The following CUTA variants were observed in gnomAD, a reference collection of about 807,000 sequenced individuals.
The protein encoded by CUTA is cutA divalent cation tolerance homolog.
CUTA carries 21 observed loss-of-function variants against 20.7 expected under a neutral mutation model. The observed-to-expected ratio is 1.01, with a 90% confidence interval of 0.72 to 1.46. The LOEUF is 1.46. Among genes scored for constraint, CUTA ranks in the 40% most tolerant of loss-of-function variants. The pLI, the probability that CUTA is intolerant of heterozygous loss-of-function variation, is 0.00. For missense variants in CUTA, 231 were observed against 226.8 expected, an observed-to-expected ratio of 1.02 and a Z score of -0.12; for synonymous variants, 99 against 97.9, an observed-to-expected ratio of 1.01 and a Z score of -0.07.
Position 33,416,789 on chromosome 6 carries a change from TG to T in CUTA, c.414-14del. ...AGGGTGCACAGAACTACAAAATAGG[TG>T]GGTGGGGGAAGGGGATCACTCAAAG... On this transcript the variant is annotated splice_polypyrimidine_tract_variant and intron_variant, in intron 5 of 5. Transcript: ENST00000488034. The T allele has an allele frequency of 6.2e-7, 1 of 1,612,986 alleles. No individual in the cohort carries two copies. Among genetic ancestry groups the T allele is most frequent in the South Asian group, 1.1e-5 (1 of 91,054 alleles).
chr6:33,417,764 C>T (rs1453591786), intron 1 of CUTA, 69 bp from the exon 2 acceptor site: 3 of 1,551,626 alleles, frequency 1.9e-6, no homozygotes, highest in Non-Finnish European at 2.6e-6. Context: ...GGGAAGCCTT[C>T]GCTTAGATCC....
rs770339717 is a variant in CUTA, at chr6:33,416,700, C to T, written c.490G>A (p.Val164Met). 1.2e-6 allele frequency: 2 copies of T among 1,613,738 alleles called. No individual in the cohort carries two copies. The highest frequency in any genetic ancestry group is 1.7e-6 in the Non-Finnish European group (2 of 1,179,790). ...EQGNFPYLQWVRQVTESVSDS... is the reference protein window; with the variant it reads ...EQGNFPYLQWMRQVTESVSDS... ...GAAACTGACTCTGTGACCTGGCGCACCCACTGCAGGTACGGAAAGTTCCCC... is the reference window on the plus strand; with the variant it reads ...GAAACTGACTCTGTGACCTGGCGCATCCACTGCAGGTACGGAAAGTTCCCC... The change falls in exon 6 of 6, where the codon GTG becomes ATG. Residue 164 changes from valine to methionine, a missense_variant. By Grantham distance (21) the Val-to-Met change is conservative. Coordinates refer to ENST00000488034, the MANE Select transcript of CUTA (RefSeq NM_001014840.2).
At position 33,417,158 on chromosome 6, in the gene CUTA, G is replaced by A; in HGVS notation, c.318-16C>T. On this transcript the variant is annotated splice_polypyrimidine_tract_variant and intron_variant, in intron 3 of 5. Transcript: ENST00000488034. ...CCACTCATAGCTGAAAGGTCAGAGG[G>A]GGAGAGTTGTGGGGAGCAAAGAATT... 4 of 1,612,246 alleles carry A rather than the reference G, an allele frequency of 2.5e-6. No homozygotes were observed. Among genetic ancestry groups the A allele is most frequent in the Non-Finnish European group, 3.4e-6 (4 of 1,178,628 alleles).
intron 1 of CUTA, 45 bp downstream of exon 1, chr6:33,417,914 G>C (rs1470263282): frequency 6.3e-6 from 10 of 1,592,666 alleles, no homozygotes; most frequent in Non-Finnish European, 7.7e-6. Flanking sequence ...GGTAGCGGTC[G>C]AGGCTTCGAG....
chr6:33,416,963 T>C lies in CUTA; in HGVS notation c.370A>G (p.Lys124Glu), dbSNP rs1776545933. The part of the protein sequence containing the change: ...EEDSEVLMMI[K>E]TQSSLVPALT... Reference sequence around the variant, plus strand: ...GCTGGGACCAAGGAACTTTGGGTTTTAATCATCTAAGGGACAAAGATAAAC... The same window carrying C: ...GCTGGGACCAAGGAACTTTGGGTTTCAATCATCTAAGGGACAAAGATAAAC... Residue 124 changes from lysine (K) to glutamate (E), a missense_variant, in exon 5 of 6, where the codon AAA becomes GAA. Coordinates refer to ENST00000488034, the MANE Select transcript of CUTA (RefSeq NM_001014840.2). 6.2e-7 allele frequency: 1 copy of C among 1,614,144 alleles called. No individual in the cohort carries two copies. Among genetic ancestry groups the C allele is most frequent in the Non-Finnish European group, 8.5e-7 (1 of 1,180,026 alleles).
chr6:33,417,914 G>A (rs1470263282), intron 1 of CUTA, 45 bp downstream of exon 1: 1 of 1,592,784 alleles, frequency 6.3e-7, no homozygotes, highest in East Asian at 2.3e-5. Context: ...GGTAGCGGTC[G>A]AGGCTTCGAG....
At position 33,417,689 on chromosome 6, in the gene CUTA, G is replaced by A; in HGVS notation, c.49C>T (p.Leu17=). 2 of 1,603,554 alleles carry A rather than the reference G, an allele frequency of 1.2e-6. No individual in the cohort carries two copies. Among genetic ancestry groups the A allele is most frequent in the Non-Finnish European group, 1.7e-6 (2 of 1,175,558 alleles). Residue 17 remains leucine, a synonymous_variant, in exon 2 of 6, where the codon CTG becomes TTG. Coordinates refer to ENST00000488034, the MANE Select transcript of CUTA (RefSeq NM_001014840.2). ...GGCATCCAAACAAAAGACAGGAGCA[G>A]AGAGGCCTGAGAGCAGGAGGCGAAT... ...PAVLLGGVAS[L]LLSFVWMPAL... is the part of the protein sequence containing the mutation.
In CUTA at chr6:33,417,513, G is replaced by A. The variant is rs781064898; in HGVS notation, c.225C>T (p.Cys75=). The A allele has an allele frequency of 3.7e-6, 6 of 1,614,112 alleles. No homozygotes were observed. In the East Asian group the frequency reaches 6.7e-5, roughly 18 times the overall value. ...PGSVSAAFVT[C]PNEKVAKEIA... is the part of the protein sequence containing the mutation. The stretch of plus-strand genomic sequence containing the variant: ...TCTCCTTGGCGACCTTCTCGTTGGG[G>A]CAAGTAACAAAGGCTGCAGAGACCG... Residue 75 remains cysteine, a synonymous_variant, in exon 2 of 6, where the codon TGC becomes TGT. Coordinates refer to ENST00000488034, the MANE Select transcript of CUTA (RefSeq NM_001014840.2).
At chr6:33,417,179 G>A (rs749384113) in intron 3 of CUTA, 37 bp from the exon 4 acceptor site, 2 of 1,613,044 alleles carry the variant, frequency 1.2e-6, no homozygotes, top group African/African-American at 1.3e-5. Flanking sequence ...GGGGAGCAAA[G>A]AATTTCCCCC....
rs1776596760 is a variant in CUTA, at chr6:33,417,661, G to A, written c.77C>T (p.Ala26Val). ...AAGGCGGGAGGCCACAGGCAGCAGC[G>A]CCGGCATCCAAACAAAAGACAGGAG... ...SLLLSFVWMP[A>V]LLPVASRLLL... The change falls in exon 2 of 6, where the codon GCG becomes GTG. Residue 26 changes from alanine to valine, a missense_variant. Transcript: ENST00000488034. 4 of 1,611,636 alleles carry A rather than the reference G, an allele frequency of 2.5e-6. No homozygotes were observed. The highest frequency in any genetic ancestry group is 3.4e-6 in the Non-Finnish European group (4 of 1,178,768).
Position 33,418,071 on chromosome 6 carries a change from A to G in CUTA, c.-71T>C. Reference sequence around the variant, plus strand: ...CACACGGAGAAACAACCCCAGGAAGAGCGGCCTCTTCTTACCTGGGTGGCA... The same window carrying G: ...CACACGGAGAAACAACCCCAGGAAGGGCGGCCTCTTCTTACCTGGGTGGCA... On this transcript the variant is annotated 5_prime_UTR_variant, in exon 1 of 6. Coordinates refer to ENST00000488034, the MANE Select transcript of CUTA (RefSeq NM_001014840.2). The surrounding 1 kb of genome is among the most constrained non-coding windows in gnomAD (Gnocchi z 5.7). The G allele has an allele frequency of 1.9e-6, 3 of 1,614,218 alleles. No homozygotes were observed. The highest frequency in any genetic ancestry group is 1.1e-5 in the South Asian group (1 of 91,086).
At position 33,417,638 on chromosome 6, in the gene CUTA, G is replaced by A. The variant is rs946483355; in HGVS notation, c.100C>T (p.Leu34Phe). The change falls in exon 2 of 6, where the codon CTT becomes TTT. Residue 34 changes from leucine (L) to phenylalanine (F), a missense_variant. Transcript: ENST00000488034. ...AGCAAGACTCGGGGTAGCAACAAAA[G>A]GCGGGAGGCCACAGGCAGCAGCGCC... ...MPALLPVASR[L>F]LLLPRVLLTM... 1.9e-6 allele frequency: 3 copies of A among 1,613,314 alleles called. No individual in the cohort carries two copies. Among genetic ancestry groups the A allele is most frequent in the Non-Finnish European group, 2.5e-6 (3 of 1,179,624 alleles).
chr6:33,417,840 A>G (rs1348276825), intron 1 of CUTA, 119 bp downstream of exon 1: 1 of 1,545,336 alleles, frequency 6.5e-7, no homozygotes, highest in South Asian at 1.2e-5. Flanking sequence ...AGAAACTTGG[A>G]AAATAAAGCA....
chr6:33,417,720 C>G (rs750043238), intron 1 of CUTA, 25 bp from the exon 2 acceptor site: 1 of 1,588,534 alleles, frequency 6.3e-7, no homozygotes, highest in Non-Finnish European at 8.5e-7. Context: ...CGAATTCGAT[C>G]TCTCCTCACA....
At chr6:33,417,904 G>A in intron 1 of CUTA, 55 bp downstream of exon 1, 3 of 1,585,350 alleles carry the variant, frequency 1.9e-6, no homozygotes, top group South Asian at 1.1e-5. Context: ...TTAGGGTGCG[G>A]GTAGCGGTCG....
In CUTA at chr6:33,416,716, A is replaced by C; in HGVS notation, c.474T>G (p.Phe158Leu). The change falls in exon 6 of 6, where the codon TTT becomes TTG. Residue 158 changes from phenylalanine to leucine, a missense_variant. By Grantham distance (22) the Phe-to-Leu change is conservative (BLOSUM62 0). Coordinates refer to ENST00000488034, the MANE Select transcript of CUTA (RefSeq NM_001014840.2). The stretch of plus-strand genomic sequence containing the variant: ...CCTGGCGCACCCACTGCAGGTACGG[A>C]AAGTTCCCCTGTTCCACAGGCAATG... ...VIALPVEQGN[F>L]PYLQWVRQVT... 3 of 1,614,138 alleles carry C rather than the reference A, an allele frequency of 1.9e-6. No homozygotes were observed. The highest frequency in any genetic ancestry group is 2.5e-6 in the Non-Finnish European group (3 of 1,180,018).
chr6:33,417,700 G>C lies in CUTA; in HGVS notation c.43-5C>G. 1.3e-6 allele frequency: 2 copies of C among 1,599,568 alleles called. No homozygotes were observed. Among genetic ancestry groups the C allele is most frequent in the East Asian group, 4.5e-5 (2 of 44,704 alleles). On this transcript the variant is annotated splice_region_variant and splice_polypyrimidine_tract_variant and intron_variant, in intron 1 of 5. Coordinates refer to ENST00000488034, the MANE Select transcript of CUTA (RefSeq NM_001014840.2). Reference sequence around the variant, plus strand: ...AAAAGACAGGAGCAGAGAGGCCTGAGAGCAGGAGGCGAATTCGATCTCTCC... The same window carrying C: ...AAAAGACAGGAGCAGAGAGGCCTGACAGCAGGAGGCGAATTCGATCTCTCC...
chr6:33,417,026 CAG>C, intron 4 of CUTA, 57 bp from the exon 5 acceptor site: 1 of 1,613,076 alleles, frequency 6.2e-7, no homozygotes, highest in Non-Finnish European at 8.5e-7. Flanking sequence ...TTCAGTTTCT[CAG>C]AAGAGGGGTA....
In CUTA at chr6:33,416,451, T is replaced by G. The variant is rs1776483564; in HGVS notation, c.*199A>C. On this transcript the variant is annotated 3_prime_UTR_variant, in exon 6 of 6. Coordinates refer to ENST00000488034, the MANE Select transcript of CUTA (RefSeq NM_001014840.2). ...GAGAAATAAACAAATCTAGCAGCTC[T>G]GAGTCATTCTGAAAGATGTAGAGAA... 4 of 586,958 alleles carry G rather than the reference T, an allele frequency of 6.8e-6. No homozygotes were observed. The South Asian group carries it at 9.1e-5, about 13-fold the overall frequency. The allele number at this position is 586,958 out of a possible 1,614,324, so 36.4% of individuals were successfully genotyped here.
Sources: allele counts gnomAD v4.1 joint callset, GRCh38; gene constraint gnomAD v4.1.1; non-coding constraint Gnocchi (gnomAD v3.1); transcripts MANE v1.5; gene names NCBI Gene and HGNC (gene_info 2026-07-23, HGNC 2026-07-21).